Variants in JARID2 observed in about 807,000 individuals in gnomAD.
The protein encoded by JARID2 is protein Jumonji.
A neutral mutation model predicts 125.6 loss-of-function variants in JARID2; 21 were observed. The observed-to-expected ratio is 0.17, with a 90% CI of 0.12 to 0.24. The LOEUF is 0.24. JARID2 is among the 10% of genes least tolerant of loss of function. The pLI is 1.00. For synonymous variants in JARID2, 736 were observed against 661.6 expected (o/e 1.11, Z -1.73); for missense variants, 1,303 against 1,639.6 (o/e 0.79, Z 3.55).
chr6:15,388,463 T>C (rs1257392346), intron 2 of JARID2, among the ~76,000 whole-genome samples: 1 of 151,956 alleles, frequency 6.6e-6, no homozygotes, highest in African/African-American at 2.4e-5. Flanking sequence ...AATGTTTCTG[T>C]AGAGTCCCAG....
intron 3 of JARID2, among the ~76,000 whole-genome samples, chr6:15,426,305 A>G (rs1766723792): frequency 6.6e-6 from 1 of 152,114 alleles, no homozygotes; most frequent in African/African-American, 2.4e-5. Flanking sequence ...CTCTTTACCG[A>G]TGGACTTCAC....
At chr6:15,306,618 G>A (rs1488073769) in intron 1 of JARID2, among the ~76,000 whole-genome samples, 1 of 151,870 alleles carries the variant, frequency 6.6e-6, no homozygotes, top group Non-Finnish European at 1.5e-5. Context: ...GATTACAGGC[G>A]TGAGTCACCG....
intron 17 of JARID2, among the ~76,000 whole-genome samples, chr6:15,518,695 T>C (rs1289686377): frequency 6.6e-6 from 1 of 152,214 alleles, no homozygotes; most frequent in Admixed American, 6.5e-5. Context: ...TTGGTCAGGC[T>C]GGTCTCAAAC....
intron 1 of JARID2, among the ~76,000 whole-genome samples, chr6:15,351,953 T>TA (rs1423655278): frequency 6.6e-6 from 1 of 152,206 alleles, no homozygotes; most frequent in African/African-American, 2.4e-5. Flanking sequence ...AAAGAGCAGT[T>TA]ACTACTGTAC....
intron 3 of JARID2, among the ~76,000 whole-genome samples, chr6:15,440,723 C>T (rs1167321194): frequency 1.3e-5 from 2 of 152,134 alleles, no homozygotes; most frequent in Non-Finnish European, 2.9e-5. Context: ...GTAATAGCTC[C>T]GGTTTTTAAG....
intron 4 of JARID2, among the ~76,000 whole-genome samples, chr6:15,455,598 C>G (rs1478802598): frequency 3.9e-5 from 6 of 152,186 alleles, no homozygotes; most frequent in African/African-American, 4.8e-5. Context: ...ACAGCGCGAT[C>G]TTGGCTCACT....
chr6:15,414,591 T>C (rs1435890647), intron 3 of JARID2, among the ~76,000 whole-genome samples: 1 of 152,146 alleles, frequency 6.6e-6, no homozygotes, highest in African/African-American at 2.4e-5. Flanking sequence ...GATGCCTCTT[T>C]ACAAAAGGAA....
In JARID2 at chr6:15,268,613, G is replaced by T. The variant is rs189047964; in HGVS notation, c.45+22029G>T. Among the ~76,000 whole-genome samples, 696 of 152,300 alleles carry T rather than the reference G, an allele frequency of 4.6e-3. 3 individuals are homozygous for T. Among genetic ancestry groups the T allele is most frequent in the Non-Finnish European group, 7.9e-3 (534 of 68,014 alleles). ...GCTGAAGCATGACAAGCCTCCGAAG[G>T]CCTCTGGGACTTGAACACAAAAAAG... On this transcript the variant is annotated intron_variant, in intron 1 of 17. Coordinates refer to ENST00000341776, the MANE Select transcript of JARID2 (RefSeq NM_004973.4).
chr6:15,472,737 C>T (rs909407919), intron 5 of JARID2, among the ~76,000 whole-genome samples: 5 of 152,196 alleles, frequency 3.3e-5, no homozygotes, highest in South Asian at 4.1e-4. Context: ...CTTGCTGTCC[C>T]ATTCTGTTGT....
intron 3 of JARID2, among the ~76,000 whole-genome samples, chr6:15,429,447 G>T (rs1472286920): frequency 6.6e-6 from 1 of 151,962 alleles, no homozygotes; most frequent in Non-Finnish European, 1.5e-5. Flanking sequence ...TTCATATTTT[G>T]TAGAGGTTGG....
At chr6:15,373,676 A>AG in intron 1 of JARID2, among the ~76,000 whole-genome samples, 1 of 152,198 alleles carries the variant, frequency 6.6e-6, no homozygotes. Flanking sequence ...TGAGCTCCCA[A>AG]GGGAGGCAGC....
At chr6:15,388,260 C>G (rs920681581) in intron 2 of JARID2, among the ~76,000 whole-genome samples, 1 of 152,068 alleles carries the variant, frequency 6.6e-6, no homozygotes. Context: ...TGGAAATAAC[C>G]TGTTATTACT....
At chr6:15,452,578 A>G (rs1581584412) in intron 4 of JARID2, among the ~76,000 whole-genome samples, 2 of 152,190 alleles carry the variant, frequency 1.3e-5, no homozygotes, top group South Asian at 4.2e-4. Context: ...TGTGCTTCCT[A>G]AGGCCTGTCA....
intron 2 of JARID2, among the ~76,000 whole-genome samples, chr6:15,390,085 C>CCCCTGCCTCCTGCCCTT (rs1443991716): frequency 6.6e-6 from 1 of 152,050 alleles, no homozygotes; most frequent in East Asian, 1.9e-4. Flanking sequence ...CTTTTTTCAC[C>CCCCTGCCTCCTGCCCTT]CCCTGCCTCC....
Position 15,413,002 on chromosome 6 carries a change from G to GTTTTTTTTTTTTTTTTTTT in JARID2, c.323+2642_323+2643insTTTTTTTTTTTTTTTTTTT, listed in dbSNP as rs745910520. ...AACATTATACATGGGAAGAGCTTGT[G>GTTTTTTTTTTTTTTTTTTT]TTTTTGTTTTTTTTTTTTTTGTTTT... On this transcript the variant is annotated intron_variant, in intron 3 of 17. Transcript: ENST00000341776. Among the ~76,000 whole-genome samples, 34 of 46,552 alleles carry GTTTTTTTTTTTTTTTTTTT rather than the reference G, an allele frequency of 7.3e-4. 11 individuals carry two copies. Among genetic ancestry groups the GTTTTTTTTTTTTTTTTTTT allele is most frequent in the African/African-American group, 1.5e-3 (16 of 10,766 alleles). 30.5% of individuals were successfully genotyped at this position (46,552 alleles called of 152,430 possible).
intron 1 of JARID2, among the ~76,000 whole-genome samples, chr6:15,270,129 TGTCC>T (rs1262228303): frequency 6.6e-6 from 1 of 152,170 alleles, no homozygotes; most frequent in Non-Finnish European, 1.5e-5. Flanking sequence ...TCCGTCCATC[TGTCC>T]GTCCGTCCTT....
intron 1 of JARID2, among the ~76,000 whole-genome samples, chr6:15,320,852 C>CTCTG (rs541608020): frequency 1.4e-4 from 21 of 145,410 alleles, no homozygotes; most frequent in South Asian, 4.4e-4. Flanking sequence ...CTCTCTCTCT[C>CTCTG]TGTGTGTGTG....
chr6:15,420,084 T>C (rs970969323), intron 3 of JARID2, among the ~76,000 whole-genome samples: 7 of 152,210 alleles, frequency 4.6e-5, no homozygotes, highest in African/African-American at 1.7e-4. Context: ...GGTAAGACTA[T>C]TGAATATATC....
At chr6:15,469,984 C>G (rs1278863052) in intron 5 of JARID2, among the ~76,000 whole-genome samples, 2 of 151,966 alleles carry the variant, frequency 1.3e-5, no homozygotes, top group African/African-American at 2.4e-5. Flanking sequence ...CAAGACCATC[C>G]TGGCCAACAT....
Sources: gnomAD v4.1 joint callset for allele counts (sites outside exome capture counted in the v4.1 genomes callset) on GRCh38, gnomAD v4.1.1 for gene constraint, MANE v1.5 for transcripts, NCBI Gene and HGNC (gene_info 2026-07-23, HGNC 2026-07-21) for gene names.